The following LUZP2 variants were observed in gnomAD, a reference collection of about 807,000 sequenced individuals.
LUZP2 encodes the protein leucine zipper protein 2.
LUZP2 carries 52 observed loss-of-function variants against 51.6 expected under a neutral mutation model. The observed-to-expected ratio is 1.01, with a 90% confidence interval of 0.81 to 1.27. The LOEUF is 1.27. Ranked by LOEUF, LUZP2 falls within the 50% of genes most tolerant of loss-of-function variation. LUZP2 has a pLI of 0.00. For missense variants in LUZP2, 436 were observed against 395.4 expected (o/e 1.10, Z -0.87); for synonymous variants, 154 against 137.3 (o/e 1.12, Z -0.85).
chr11:24,742,075 A>ATC lies in LUZP2; in HGVS notation c.333+3774_333+3775dup, dbSNP rs1554983407. On this transcript the variant is annotated intron_variant, in intron 4 of 11. Coordinates refer to ENST00000336930, the MANE Select transcript of LUZP2 (RefSeq NM_001009909.4). ...AATATAATTATATATATATATATAT[A>ATC]TCACCATTTCTTTATCCACTTGTTG... Among the ~76,000 whole-genome samples, 233 of 140,626 alleles carry ATC rather than the reference A, an allele frequency of 1.7e-3. 1 individual carries two copies. The highest frequency in any genetic ancestry group is 2.8e-3 in the Non-Finnish European group (188 of 66,476). The allele number at this position is 140,626 out of a possible 152,430, so 92.3% of individuals were successfully genotyped here. A position where few individuals can be genotyped will look rare whatever the true frequency, so the allele number is the denominator to read the frequency against.
chr11:24,657,601 A>T (rs1296394398), intron 1 of LUZP2, among the ~76,000 whole-genome samples: 1 of 152,182 alleles, frequency 6.6e-6, no homozygotes, highest in Non-Finnish European at 1.5e-5. Context: ...AGAAGGAAAT[A>T]AAGGGTATTC....
chr11:25,000,150 A>G (rs536052419), intron 9 of LUZP2, among the ~76,000 whole-genome samples: 269 of 152,222 alleles, frequency 1.8e-3, no homozygotes, highest in Middle Eastern at 3.4e-3. Flanking sequence ...GCATTTTTAC[A>G]GAGTGCTGAT....
chr11:24,960,216 T>A (rs1396223523), intron 7 of LUZP2, among the ~76,000 whole-genome samples: 1 of 152,212 alleles, frequency 6.6e-6, no homozygotes, highest in African/African-American at 2.4e-5. Context: ...ATTCTCTTTT[T>A]TTGTTGTGTC....
intron 1 of LUZP2, among the ~76,000 whole-genome samples, chr11:24,543,950 G>T (rs1055241487): frequency 1.3e-5 from 2 of 151,894 alleles, no homozygotes; most frequent in Admixed American, 6.6e-5. Flanking sequence ...TGAGCAGTTC[G>T]GTCATTGTGT....
intron 1 of LUZP2, among the ~76,000 whole-genome samples, chr11:24,546,719 T>A (rs1307131173): frequency 6.6e-6 from 1 of 152,212 alleles, no homozygotes; most frequent in South Asian, 2.1e-4. Flanking sequence ...TCAAAGATAT[T>A]GGCCAGAAGT....
chr11:25,016,395 AC>A lies in LUZP2; in HGVS notation c.765+33104del, dbSNP rs1202052054. On this transcript the variant is annotated intron_variant, in intron 9 of 11. Transcript: ENST00000336930. Reference sequence around the variant, plus strand: ...GATTAACTCTCAGCTACAATTGAGAACCTAAGTTATTTTATTTTCCATTCCT... The same window carrying A: ...GATTAACTCTCAGCTACAATTGAGAACTAAGTTATTTTATTTTCCATTCCT... Among the ~76,000 whole-genome samples the A allele has an allele frequency of 3.3e-5, 5 of 152,140 alleles. No individual in the cohort carries two copies. The East Asian group carries it at 9.7e-4, about 29-fold the overall frequency.
chr11:24,852,639 C>A (rs1393684346), intron 5 of LUZP2, among the ~76,000 whole-genome samples: 1 of 152,026 alleles, frequency 6.6e-6, no homozygotes, highest in Non-Finnish European at 1.5e-5. Flanking sequence ...TCCAGAGCTG[C>A]GTTCAAGTCC....
At chr11:24,997,016 CATT>C (rs1856523706) in intron 9 of LUZP2, among the ~76,000 whole-genome samples, 1 of 149,628 alleles carries the variant, frequency 6.7e-6, no homozygotes, top group Admixed American at 6.7e-5. Flanking sequence ...TCCAGTCTAT[CATT>C]GTTGGACATT....
chr11:24,968,237 G>A (rs561505581), intron 7 of LUZP2, among the ~76,000 whole-genome samples: 12 of 152,090 alleles, frequency 7.9e-5, no homozygotes, highest in African/African-American at 2.4e-4. Flanking sequence ...AAAAACATTT[G>A]CTGTAAGTGA....
chr11:24,598,996 T>C (rs1384040667), intron 1 of LUZP2, among the ~76,000 whole-genome samples: 2 of 152,138 alleles, frequency 1.3e-5, no homozygotes, highest in Non-Finnish European at 2.9e-5. Context: ...ATTCAGTACA[T>C]GTGGGAACCT....
chr11:24,657,260 G>A, intron 1 of LUZP2, among the ~76,000 whole-genome samples: 1 of 152,256 alleles, frequency 6.6e-6, no homozygotes, highest in South Asian at 2.1e-4. Context: ...AGGGAGAGCT[G>A]ACAGGACAAA....
chr11:24,979,460 T>C (rs1855967247), intron 8 of LUZP2, among the ~76,000 whole-genome samples: 1 of 151,886 alleles, frequency 6.6e-6, no homozygotes, highest in African/African-American at 2.4e-5. Flanking sequence ...GCTTTTAAAA[T>C]ACTATTTGAG....
intron 9 of LUZP2, among the ~76,000 whole-genome samples, chr11:25,013,561 G>C (rs1034662897): frequency 1.3e-5 from 2 of 151,780 alleles, no homozygotes. Context: ...TATAACTATG[G>C]CTTATTTCCT....
chr11:24,878,896 C>T (rs2129357), intron 5 of LUZP2, among the ~76,000 whole-genome samples: 73,705 of 151,638 alleles, frequency 0.49, 18,383 homozygotes, highest in East Asian at 0.69. Context: ...CTGTGGTAGT[C>T]GCTGAGGATG....
At chr11:24,947,431 A>G (rs190284598) in intron 7 of LUZP2, among the ~76,000 whole-genome samples, 1 of 152,016 alleles carries the variant, frequency 6.6e-6, no homozygotes, top group African/African-American at 2.4e-5. Context: ...CTTACACTAG[A>G]AAAATATCCA....
At chr11:24,597,424 G>C (rs1412641845) in intron 1 of LUZP2, among the ~76,000 whole-genome samples, 1 of 152,146 alleles carries the variant, frequency 6.6e-6, no homozygotes, top group Non-Finnish European at 1.5e-5. Context: ...CGTAGTCAGC[G>C]TACAGCCTAT....
intron 7 of LUZP2, among the ~76,000 whole-genome samples, chr11:24,933,782 G>A (rs1854520885): frequency 6.6e-6 from 1 of 152,174 alleles, no homozygotes; most frequent in Admixed American, 6.5e-5. Flanking sequence ...TTAATTACCT[G>A]GGTGCAGGAG....
chr11:25,042,751 A>G (rs1596854), intron 9 of LUZP2, among the ~76,000 whole-genome samples: 70,874 of 151,978 alleles, frequency 0.47, 17,022 homozygotes, highest in Non-Finnish European at 0.51. Context: ...GGCTGTCTAT[A>G]TCTGCCCCCA....
intron 1 of LUZP2, among the ~76,000 whole-genome samples, chr11:24,507,285 C>T (rs1310594358): frequency 6.6e-6 from 1 of 152,014 alleles, no homozygotes; most frequent in South Asian, 2.1e-4. Flanking sequence ...ACTATAAACT[C>T]TAGTATACTT....
Sources: gnomAD v4.1 joint callset for allele counts (sites outside exome capture counted in the v4.1 genomes callset) on GRCh38, gnomAD v4.1.1 for gene constraint, MANE v1.5 for transcripts, NCBI Gene and HGNC (gene_info 2026-07-23, HGNC 2026-07-21) for gene names.